Variants in LGR6 observed in about 807,000 individuals in gnomAD.
The protein encoded by LGR6 is leucine rich repeat containing G protein-coupled receptor 6.
In LGR6, 45 loss-of-function variants were observed where a neutral mutation model predicts 69.4. That is an observed-to-expected ratio of 0.65 (90% CI 0.51 to 0.83). The LOEUF is 0.83. Among genes scored for constraint, LGR6 ranks in the 40% least tolerant of loss-of-function variants. The probability of loss-of-function intolerance (pLI) is 0.00; values close to 1 mark genes in which losing one functional copy is unlikely to be tolerated. For synonymous variants in LGR6, 538 were observed against 555.0 expected, an observed-to-expected ratio of 0.97 and a Z score of 0.43; for missense variants, 1,108 against 1,246.7, an observed-to-expected ratio of 0.89 and a Z score of 1.68.
chr1:202,309,133 G>A lies in LGR6; in HGVS notation c.1363G>A (p.Ala455Thr), dbSNP rs1653510147. Reference sequence around the variant, plus strand: ...GCATCTGAAGCTCAAAGGGAACCTTGCTCTCTCCCAGGCCTTCTCCAAGGA... The same window carrying A: ...GCATCTGAAGCTCAAAGGGAACCTTACTCTCTCCCAGGCCTTCTCCAAGGA... Reference protein sequence around the residue: ...LMHLKLKGNLALSQAFSKDSF... With the variant: ...LMHLKLKGNLTLSQAFSKDSF... Residue 455 changes from alanine (A) to threonine (T), a missense_variant, in exon 15 of 18, where the codon GCT becomes ACT. By Grantham distance (58) the Ala-to-Thr change is moderately conservative. Transcript: ENST00000367278. 1 of 1,614,060 alleles carries A rather than the reference G, an allele frequency of 6.2e-7. No homozygotes were observed. The highest frequency in any genetic ancestry group is 8.5e-7 in the Non-Finnish European group (1 of 1,180,020).
chr1:202,269,780 G>A (rs1027016179), intron 4 of LGR6, among the ~76,000 whole-genome samples: 30 of 152,136 alleles, frequency 2.0e-4, no homozygotes, highest in African/African-American at 7.2e-4. Context: ...GAACAGAAGA[G>A]GAGGACACCT....
At chr1:202,295,235 G>A (rs1293944685) in intron 6 of LGR6, among the ~76,000 whole-genome samples, 1 of 150,302 alleles carries the variant, frequency 6.7e-6, no homozygotes, top group Non-Finnish European at 1.5e-5. Context: ...GGCTGAGGCA[G>A]GAGAATCGCT....
chr1:202,236,371 A>G, intron 4 of LGR6: 1 of 257,712 alleles, frequency 3.9e-6, no homozygotes, highest in East Asian at 1.0e-4. Flanking sequence ...TGTCTCCTCT[A>G]CCTAGCCTGC....
intron 17 of LGR6, among the ~76,000 whole-genome samples, chr1:202,315,945 A>G (rs1654109357): frequency 6.6e-6 from 1 of 152,258 alleles, no homozygotes; most frequent in African/African-American, 2.4e-5. Context: ...AAGTTCCAAA[A>G]GACAAAGTCC....
intron 4 of LGR6, among the ~76,000 whole-genome samples, chr1:202,272,075 C>T (rs577061991): frequency 6.6e-6 from 1 of 152,266 alleles, no homozygotes; most frequent in Admixed American, 6.5e-5. Context: ...ACAGGAGCCC[C>T]CTGGGTCAGA....
intron 4 of LGR6, among the ~76,000 whole-genome samples, chr1:202,267,699 C>T (rs551780430): frequency 5.1e-4 from 77 of 152,218 alleles, no homozygotes; most frequent in African/African-American, 1.9e-3. Context: ...GCAATTAGCT[C>T]CTTCTCAATA....
At chr1:202,215,758 G>A (rs1659734352) in intron 1 of LGR6, among the ~76,000 whole-genome samples, 1 of 152,354 alleles carries the variant, frequency 6.6e-6, no homozygotes, top group African/African-American at 2.4e-5. Flanking sequence ...AGCTGCGTGT[G>A]TATGTGACAA....
intron 9 of LGR6, among the ~76,000 whole-genome samples, chr1:202,301,862 CAA>C (rs1190373885): frequency 1.3e-5 from 2 of 151,860 alleles, no homozygotes; most frequent in Admixed American, 1.3e-4. Context: ...ACTAAAAATA[CAA>C]AAAAAGTAGC....
intron 6 of LGR6, among the ~76,000 whole-genome samples, chr1:202,290,830 C>T (rs1046006936): frequency 9.9e-5 from 15 of 152,174 alleles, no homozygotes; most frequent in Non-Finnish European, 1.5e-4. Flanking sequence ...CGCCATTGCC[C>T]TCCAGCCTGG....
intron 16 of LGR6, among the ~76,000 whole-genome samples, chr1:202,313,064 A>G (rs939392558): frequency 1.1e-4 from 16 of 151,638 alleles, no homozygotes; most frequent in African/African-American, 3.1e-4. Context: ...CCATCTCTAA[A>G]AAAATACAAA....
chr1:202,201,508 C>T (rs1658832991), intron 1 of LGR6, among the ~76,000 whole-genome samples: 1 of 152,198 alleles, frequency 6.6e-6, no homozygotes, highest in Admixed American at 6.5e-5. Context: ...CTTTTCAGTG[C>T]TAAGGAGCTT....
At chr1:202,247,876 C>T (rs1055669728) in intron 4 of LGR6, among the ~76,000 whole-genome samples, 2 of 152,182 alleles carry the variant, frequency 1.3e-5, no homozygotes, top group African/African-American at 4.8e-5. Context: ...GAGCCAGCAC[C>T]TGTGGCCTGC....
chr1:202,219,513 T>C (rs2924105), intron 1 of LGR6, among the ~76,000 whole-genome samples: 61,327 of 152,180 alleles, frequency 0.4, 13,461 homozygotes, highest in East Asian at 0.71. Context: ...ACAGCCTTCA[T>C]TGATTGGGTG....
intron 6 of LGR6, among the ~76,000 whole-genome samples, chr1:202,281,686 A>G (rs1358751368): frequency 6.6e-6 from 1 of 152,048 alleles, no homozygotes. Context: ...ACCAAGTATG[A>G]GCCACTGAGG....
At chr1:202,240,819 A>T (rs142992601) in intron 4 of LGR6, among the ~76,000 whole-genome samples, 1 of 152,204 alleles carries the variant, frequency 6.6e-6, no homozygotes, top group Non-Finnish European at 1.5e-5. Flanking sequence ...GTGTGCCAGC[A>T]GGGACCCATC....
intron 1 of LGR6, among the ~76,000 whole-genome samples, chr1:202,218,361 C>A (rs950257958): frequency 6.6e-6 from 1 of 152,152 alleles, no homozygotes; most frequent in African/African-American, 2.4e-5. Context: ...TGTAGTGGTA[C>A]TACCCTAGCT....
intron 3 of LGR6, among the ~76,000 whole-genome samples, chr1:202,228,839 C>T (rs1424794728): frequency 6.6e-6 from 1 of 152,146 alleles, no homozygotes; most frequent in African/African-American, 2.4e-5. Flanking sequence ...ATATTAGGGA[C>T]TGATGCTGGA....
intron 5 of LGR6, among the ~76,000 whole-genome samples, chr1:202,277,224 ACT>A (rs1405455201): frequency 1.3e-5 from 2 of 152,018 alleles, no homozygotes; most frequent in South Asian, 2.1e-4. Context: ...CATGTTAGTG[ACT>A]CTACTGGATG....
intron 4 of LGR6, among the ~76,000 whole-genome samples, chr1:202,252,348 G>A (rs1361428800): frequency 6.6e-6 from 1 of 152,052 alleles, no homozygotes; most frequent in Non-Finnish European, 1.5e-5. Flanking sequence ...CCTCCTCCAG[G>A]AAGCCCCCCT....
Sources: allele counts gnomAD v4.1 joint callset (sites outside exome capture counted in the v4.1 genomes callset), GRCh38; gene constraint gnomAD v4.1.1; transcripts MANE v1.5; gene names NCBI Gene and HGNC (gene_info 2026-07-23, HGNC 2026-07-21).